ATP8B4: variants seen among roughly 807,000 people sequenced by gnomAD.
ATP8B4 encodes the protein probable phospholipid-transporting ATPase IM.
A neutral mutation model predicts 145.6 loss-of-function variants in ATP8B4; 133 were observed. The observed-to-expected ratio is 0.91, with a 90% confidence interval of 0.79 to 1.05. ATP8B4 has a LOEUF of 1.05. ATP8B4 is among the 50% of genes least tolerant of loss of function. ATP8B4 has a pLI of 0.00. For missense variants in ATP8B4, 1,458 were observed against 1,425.2 expected (o/e 1.02, Z -0.37); for synonymous variants, 507 against 492.9 (o/e 1.03, Z -0.38).
Position 49,860,252 on chromosome 15 carries a change from C to T in ATP8B4, c.3521G>A (p.Cys1174Tyr), listed in dbSNP as rs115284127. 3.1e-4 allele frequency: 502 copies of T among 1,614,158 alleles called. No individual in the cohort carries two copies. The highest frequency in any genetic ancestry group is 2.4e-3 in the African/African-American group (181 of 75,052). Reference sequence around the variant, plus strand: ...GCTCACGGTGTCTGTGGTTTTCTTACATAAATTTTCAATCCAGCTAGTGCT... The same window carrying T: ...GCTCACGGTGTCTGTGGTTTTCTTATATAAATTTTCAATCCAGCTAGTGCT... ...YNSTSWIENL[C>Y]KKTTDTVSSF... Residue 1174 changes from cysteine to tyrosine, a missense_variant, in exon 28 of 28, where the codon TGT (cysteine) becomes TAT (tyrosine). Transcript: ENST00000284509.
At chr15:49,909,029 C>G (rs189898476) in intron 20 of ATP8B4, among the ~76,000 whole-genome samples, 145 of 152,234 alleles carry the variant, frequency 9.5e-4, no homozygotes, top group African/African-American at 3.4e-3. Flanking sequence ...CACCAGAGGC[C>G]TTGGGATAAC....
intron 6 of ATP8B4, among the ~76,000 whole-genome samples, chr15:50,032,591 A>G (rs1459068183): frequency 1.3e-5 from 2 of 152,204 alleles, no homozygotes; most frequent in African/African-American, 4.8e-5. Flanking sequence ...CTGGTTCTAG[A>G]TCAAGAAAGA....
At chr15:50,060,114 C>T (rs2052902028) in intron 3 of ATP8B4, among the ~76,000 whole-genome samples, 1 of 152,058 alleles carries the variant, frequency 6.6e-6, no homozygotes, top group Non-Finnish European at 1.5e-5. Context: ...TGACCCACAG[C>T]GTCCCCTGGG....
rs186991764 is a variant in ATP8B4 at position 50,102,355 on chromosome 15, A to T, written c.28+4584T>A. Among the ~76,000 whole-genome samples the T allele has an allele frequency of 9.9e-5, 15 of 152,272 alleles. No homozygotes were observed. In the East Asian group the frequency reaches 2.9e-3, roughly 29 times the overall value. On this transcript the variant is annotated intron_variant, in intron 2 of 27. Coordinates refer to ENST00000284509, the MANE Select transcript of ATP8B4 (RefSeq NM_024837.4). ...AATTGATAGACCATTAGTGAGATTA[A>T]CCAAGAAAAGAAGAGAGAAGATCCA...
At chr15:50,143,924 T>C (rs1168140760) in intron 1 of ATP8B4, among the ~76,000 whole-genome samples, 1 of 152,226 alleles carries the variant, frequency 6.6e-6, no homozygotes, top group African/African-American at 2.4e-5. Flanking sequence ...CAACTTCACC[T>C]GTAGATAAAT....
intron 23 of ATP8B4, chr15:49,880,209 T>A (rs1180417048): frequency 6.6e-6 from 1 of 152,156 alleles, no homozygotes; most frequent in East Asian, 1.9e-4. Context: ...GGATAGGGAA[T>A]GTGGGAGGGC....
At chr15:50,083,118 C>G (rs2054664419) in intron 2 of ATP8B4, among the ~76,000 whole-genome samples, 1 of 152,100 alleles carries the variant, frequency 6.6e-6, no homozygotes, top group Admixed American at 6.6e-5. Context: ...ACACCCCATC[C>G]CAAACAACCT....
intron 2 of ATP8B4, among the ~76,000 whole-genome samples, chr15:50,095,982 A>G (rs960968280): frequency 6.6e-6 from 1 of 152,246 alleles, no homozygotes; most frequent in Non-Finnish European, 1.5e-5. Flanking sequence ...AATCAGCAAC[A>G]GTTGGAAATA....
intron 2 of ATP8B4, among the ~76,000 whole-genome samples, chr15:50,074,443 G>T (rs1235904201): frequency 1.3e-5 from 2 of 152,150 alleles, no homozygotes; most frequent in African/African-American, 4.8e-5. Flanking sequence ...CAATTTCTAT[G>T]TATCTTCAGC....
At chr15:49,987,627 C>T (rs1349808326) in intron 9 of ATP8B4, 78 bp from the exon 10 acceptor site, 2 of 1,416,798 alleles carry the variant, frequency 1.4e-6, no homozygotes, top group East Asian at 2.3e-5. Flanking sequence ...CACTGTTTTA[C>T]CACTGTTTCC....
intron 6 of ATP8B4, among the ~76,000 whole-genome samples, chr15:50,023,385 G>C (rs760813934): frequency 1.5e-4 from 23 of 152,094 alleles, no homozygotes; most frequent in Admixed American, 5.2e-4. Context: ...GACATTATCA[G>C]TACCAGATTT....
chr15:49,900,037 A>G (rs2037847070), intron 21 of ATP8B4, among the ~76,000 whole-genome samples: 1 of 152,132 alleles, frequency 6.6e-6, no homozygotes, highest in African/African-American at 2.4e-5. Flanking sequence ...CCCTTTCCAT[A>G]TTGTGGTCTC....
intron 14 of ATP8B4, among the ~76,000 whole-genome samples, chr15:49,956,371 C>G (rs577053909): frequency 6.6e-6 from 1 of 151,930 alleles, no homozygotes; most frequent in African/African-American, 2.4e-5. Context: ...AACACAGTTG[C>G]ATTATAAGTT....
At chr15:50,124,434 A>G (rs1199870822) in intron 1 of ATP8B4, among the ~76,000 whole-genome samples, 1 of 152,202 alleles carries the variant, frequency 6.6e-6, no homozygotes, top group Non-Finnish European at 1.5e-5. Flanking sequence ...AACTCATGAA[A>G]AGAACAAAAA....
At chr15:50,139,200 A>G (rs1007802669) in intron 1 of ATP8B4, among the ~76,000 whole-genome samples, 4 of 152,234 alleles carry the variant, frequency 2.6e-5, no homozygotes, top group Admixed American at 1.3e-4. Flanking sequence ...ATGCCCATCA[A>G]TGACAGACTG....
intron 2 of ATP8B4, among the ~76,000 whole-genome samples, chr15:50,085,377 T>C (rs78046139): frequency 0.019 from 2,937 of 152,294 alleles, 95 homozygotes; most frequent in African/African-American, 0.068. Context: ...ATGGTGCTGC[T>C]CGGAACCAGA....
In ATP8B4 at chr15:50,047,399, C is replaced by A. The variant is rs746196467; in HGVS notation, c.153G>T (p.Gln51His). The change falls in exon 4 of 28, where the codon CAG (glutamine) becomes CAT (histidine). Residue 51 changes from glutamine (Q) to histidine (H), a missense_variant. Physicochemically the swap from Gln to His is conservative, Grantham distance 24. Coordinates refer to ENST00000284509, the MANE Select transcript of ATP8B4 (RefSeq NM_024837.4). ...AATAGGCATTTGCCACTCTTTGGAA[C>A]TGTTCAAATAAATTAATTGGCAAGA... ...LTFLPINLFE[Q>H]FQRVANAYFL... 1 of 1,599,984 alleles carries A rather than the reference C, an allele frequency of 6.3e-7. No individual in the cohort carries two copies. The highest frequency in any genetic ancestry group is 8.6e-7 in the Non-Finnish European group (1 of 1,167,338).
intron 8 of ATP8B4, among the ~76,000 whole-genome samples, chr15:49,999,539 A>C (rs1421583966): frequency 2.6e-5 from 4 of 152,118 alleles, no homozygotes; most frequent in African/African-American, 9.7e-5. Flanking sequence ...TATAATAATA[A>C]TAAAATGAAA....
intron 1 of ATP8B4, among the ~76,000 whole-genome samples, chr15:50,154,697 C>T (rs187989523): frequency 1.3e-5 from 2 of 151,172 alleles, no homozygotes; most frequent in African/African-American, 4.9e-5. Flanking sequence ...TTTTTTGAGA[C>T]AGGGTCTCAC....
Sources: allele counts gnomAD v4.1 joint callset (sites outside exome capture counted in the v4.1 genomes callset), GRCh38; gene constraint gnomAD v4.1.1; transcripts MANE v1.5; gene names NCBI Gene and HGNC (gene_info 2026-07-23, HGNC 2026-07-21).